Variants in POM121 observed in about 807,000 individuals in gnomAD.
The protein encoded by POM121 is POM121 transmembrane nucleoporin.
In POM121, 32 loss-of-function variants were observed where a neutral mutation model predicts 81.3. The observed-to-expected ratio is 0.39, with a 90% CI of 0.30 to 0.53. POM121 has a LOEUF of 0.53. POM121 is among the 20% of genes least tolerant of loss of function. The pLI, the probability that POM121 is intolerant of heterozygous loss-of-function variation, is 0.66. For missense variants in POM121, 1,138 were observed against 1,614.6 expected, an observed-to-expected ratio of 0.70 and a Z score of 5.06; for synonymous variants, 514 against 694.2, an observed-to-expected ratio of 0.74 and a Z score of 4.08.
intron 2 of POM121, 70 bp downstream of exon 2, chr7:72,926,547 G>A: frequency 6.2e-7 from 1 of 1,600,494 alleles, no homozygotes; most frequent in Non-Finnish European, 8.5e-7. Context: ...TTGTTCCTAT[G>A]ACATGACTAC....
chr7:72,932,964 A>G (rs1181152205), intron 5 of POM121, among the ~76,000 whole-genome samples: 1 of 151,692 alleles, frequency 6.6e-6, no homozygotes, highest in Non-Finnish European at 1.5e-5. Flanking sequence ...AGGAAGGAGA[A>G]TATCAGGAAC....
chr7:72,935,974 A>G (rs1796472039), intron 5 of POM121, among the ~76,000 whole-genome samples: 2 of 151,072 alleles, frequency 1.3e-5, no homozygotes, highest in South Asian at 4.2e-4. Flanking sequence ...TTTCCTCTGC[A>G]ATCTTATTCT....
chr7:72,929,109 A>G lies in POM121; in HGVS notation c.1103+644A>G, dbSNP rs1212846997. Among the ~76,000 whole-genome samples the G allele has an allele frequency of 2.6e-5, 4 of 152,140 alleles. No homozygotes were observed. The East Asian group carries it at 7.7e-4, about 29-fold the overall frequency. ...CAGTGAAGCAATGAAGATGTTAAGGAGATTTGCAACAGCCCAAAGGGGTGG... is the reference window on the plus strand; with the variant it reads ...CAGTGAAGCAATGAAGATGTTAAGGGGATTTGCAACAGCCCAAAGGGGTGG... On this transcript the variant is annotated intron_variant, in intron 4 of 12. Transcript: ENST00000434423.
At chr7:72,890,744 G>A in exon 2 of POM121, 2 of 1,601,488 alleles carry the variant, frequency 1.2e-6, no homozygotes, top group Non-Finnish European at 1.7e-6. Context: ...CAGCCATCTA[G>A]TTTCCCTGGG....
In POM121 at chr7:72,943,160, C is replaced by T. The variant is rs1554502166; in HGVS notation, c.3167C>T (p.Ala1056Val). Residue 1056 changes from alanine to valine, a missense_variant, in exon 11 of 13, where the codon GCC becomes GTC. Transcript: ENST00000434423. The stretch of plus-strand genomic sequence containing the variant: ...GGCGCTCCCGCCAGCTCACAGCCCG[C>T]CTTTGGCGGCTCCACTGCTGTCTTC... ...AFGAPASSQPAFGGSTAVFFG... is the reference protein window; with the variant it reads ...AFGAPASSQPVFGGSTAVFFG... The T allele has an allele frequency of 4.3e-6, 7 of 1,613,464 alleles. No individual in the cohort carries two copies. Among genetic ancestry groups the T allele is most frequent in the Non-Finnish European group, 5.9e-6 (7 of 1,179,786 alleles).
At chr7:72,881,285 G>A (rs1790134492) in intron 1 of POM121, among the ~76,000 whole-genome samples, 1 of 150,558 alleles carries the variant, frequency 6.6e-6, no homozygotes, top group African/African-American at 2.4e-5. Flanking sequence ...GCCCAGGCAG[G>A]CGGATCACTT....
intron 3 of POM121, among the ~76,000 whole-genome samples, chr7:72,902,066 C>T (rs1299151765): frequency 4.6e-5 from 7 of 150,992 alleles, no homozygotes; most frequent in African/African-American, 9.7e-5. Context: ...GAGCCGAGAT[C>T]GCGCCATTGC....
upstream of POM121, among the ~76,000 whole-genome samples, chr7:72,921,719 A>G (rs1382748006): frequency 6.6e-6 from 1 of 152,186 alleles, no homozygotes; most frequent in African/African-American, 2.4e-5. Flanking sequence ...TTTATTAATC[A>G]ATACATTTTG....
chr7:72,937,145 C>T (rs1344229407), intron 5 of POM121, among the ~76,000 whole-genome samples: 4 of 151,986 alleles, frequency 2.6e-5, no homozygotes, highest in African/African-American at 9.7e-5. Context: ...GTCCCAGCTA[C>T]TCGGGAGGCT....
chr7:72,936,885 C>A (rs1442179620), intron 5 of POM121, among the ~76,000 whole-genome samples: 1 of 152,170 alleles, frequency 6.6e-6, no homozygotes, highest in African/African-American at 2.4e-5. Flanking sequence ...TGGGCTCAAG[C>A]AGTTCTCCTG....
At chr7:72,936,765 G>A (rs1171764665) in intron 5 of POM121, among the ~76,000 whole-genome samples, 2 of 152,006 alleles carry the variant, frequency 1.3e-5, no homozygotes, top group African/African-American at 4.8e-5. Context: ...CTCAGTGTCT[G>A]GAGCACATTG....
intron 3 of POM121, among the ~76,000 whole-genome samples, chr7:72,899,610 G>T (rs1394425469): frequency 6.8e-5 from 9 of 133,208 alleles, no homozygotes; most frequent in Non-Finnish European, 1.4e-4. Flanking sequence ...ACAGAATCTC[G>T]CTCTGTCGCC....
intron 4 of POM121, among the ~76,000 whole-genome samples, chr7:72,919,407 T>A (rs1794599143): frequency 9.5e-6 from 1 of 105,620 alleles, no homozygotes; most frequent in African/African-American, 3.6e-5. Context: ...AGATCCAGAT[T>A]TCCATCTGGT....
rs1554500253 is a variant in POM121, at chr7:72,939,342, G to A, written c.1374G>A (p.Glu458=). Residue 458 remains glutamate, a synonymous_variant, in exon 7 of 13, where the codon GAG becomes GAA. Coordinates refer to ENST00000434423, the MANE Select transcript of POM121 (RefSeq NM_001387691.1). ...GTTCCTTTTTTCCTGACAGAGAAGA[G>A]GAGCTGTGTCATCATTCCAGTTCTT... ...PERPAKKIRE[E]ELCHHSSSST... 7 of 1,613,868 alleles carry A rather than the reference G, an allele frequency of 4.3e-6. No homozygotes were observed. Among genetic ancestry groups the A allele is most frequent in the Non-Finnish European group, 5.9e-6 (7 of 1,179,826 alleles).
At chr7:72,902,610 G>A (rs1792805183) in intron 3 of POM121, among the ~76,000 whole-genome samples, 1 of 151,768 alleles carries the variant, frequency 6.6e-6, no homozygotes, top group African/African-American at 2.4e-5. Flanking sequence ...CTCACTGCAG[G>A]CTTGACTTCT....
chr7:72,922,869 A>C (rs1450271205), upstream of POM121, among the ~76,000 whole-genome samples: 1 of 151,990 alleles, frequency 6.6e-6, no homozygotes, highest in Non-Finnish European at 1.5e-5. Context: ...CTGTACCCTG[A>C]CGGCTTTTAT....
At chr7:72,905,894 G>GCTTCCGTATATCC in intron 3 of POM121, among the ~76,000 whole-genome samples, 1 of 152,108 alleles carries the variant, frequency 6.6e-6, no homozygotes, top group South Asian at 2.1e-4. Context: ...AATGGTCTAA[G>GCTTCCGTATATCC]CTTCCGTATA....
chr7:72,923,589 ATTTTTTTTTT>A (rs1187827150), upstream of POM121, among the ~76,000 whole-genome samples: 5 of 88,754 alleles, frequency 5.6e-5, no homozygotes, highest in South Asian at 3.6e-4. Context: ...CGCCCGGCTA[ATTTTTTTTTT>A]TTTTTTTTTT....
At chr7:72,889,783 G>A (rs1434511488) in intron 1 of POM121, among the ~76,000 whole-genome samples, 2 of 152,120 alleles carry the variant, frequency 1.3e-5, no homozygotes, top group Non-Finnish European at 2.9e-5. Context: ...CTCCCAAAGT[G>A]CTAGGATTAT....
Sources: allele counts gnomAD v4.1 joint callset (sites outside exome capture counted in the v4.1 genomes callset), GRCh38; gene constraint gnomAD v4.1.1; transcripts MANE v1.5; gene names NCBI Gene and HGNC (gene_info 2026-07-23, HGNC 2026-07-21).